The following LOXL2 variants were observed in gnomAD, a reference collection of about 807,000 sequenced individuals.
LOXL2 encodes the protein lysyl oxidase homolog 2.
In LOXL2, 70 loss-of-function variants were observed where a neutral mutation model predicts 93.0. That is an observed-to-expected ratio of 0.75 (90% CI 0.62 to 0.92). The LOEUF (loss-of-function observed/expected upper bound fraction) is 0.92. Ranked by LOEUF, LOXL2 falls within the 40% of genes least tolerant of loss-of-function variation. The pLI is 0.00. For synonymous variants in LOXL2, 438 were observed against 413.2 expected, an observed-to-expected ratio of 1.06 and a Z score of -0.73; for missense variants, 973 against 1,054.9, an observed-to-expected ratio of 0.92 and a Z score of 1.08.
intron 4 of LOXL2, 100 bp downstream of exon 4, chr8:23,340,882 TTGCCTGGCCA>T: frequency 9.9e-7 from 1 of 1,006,712 alleles, no homozygotes; most frequent in Non-Finnish European, 1.5e-6. Flanking sequence ...GGACACCAGC[TTGCCTGGCCA>T]TGCCTGGCCA....
intron 6 of LOXL2, among the ~76,000 whole-genome samples, chr8:23,326,397 G>C (rs193232840): frequency 6.6e-6 from 1 of 152,140 alleles, no homozygotes; most frequent in Admixed American, 6.6e-5. Flanking sequence ...TCTTTGTCCT[G>C]TAGGCCCTTG....
chr8:23,310,172 C>T (rs17688580), intron 9 of LOXL2, among the ~76,000 whole-genome samples: 5,161 of 152,286 alleles, frequency 0.034, 289 homozygotes, highest in African/African-American at 0.12. Flanking sequence ...TCCTAGGCTA[C>T]GAGCGAAGCA....
intron 8 of LOXL2, among the ~76,000 whole-genome samples, chr8:23,319,529 G>A (rs1348693645): frequency 1.3e-5 from 2 of 152,156 alleles, no homozygotes; most frequent in Admixed American, 6.5e-5. Context: ...CCACCTCCCC[G>A]AAGGACTGAG....
At chr8:23,397,977 A>AAG (rs1800113538) in intron 1 of LOXL2, among the ~76,000 whole-genome samples, 1 of 142,890 alleles carries the variant, frequency 7.0e-6, no homozygotes, top group Non-Finnish European at 1.5e-5. Context: ...AAAAAAAAAA[A>AAG]AAAAAAAAGA....
In LOXL2 at chr8:23,303,405, G is replaced by A. The variant is rs201593990; in HGVS notation, c.1881-8C>T. On this transcript the variant is annotated splice_region_variant and splice_polypyrimidine_tract_variant and intron_variant, in intron 10 of 13. Transcript: ENST00000389131. ...TCCATGCTGTGGTAGTGCCTGGAGC[G>A]AGAGAGAGATGGCCTGGAGGTCAGT... 13,978 of 1,516,196 alleles carry A rather than the reference G, an allele frequency of 9.2e-3. 97 individuals are homozygous for A. Among genetic ancestry groups the A allele is most frequent in the Non-Finnish European group, 0.012 (12,724 of 1,091,974 alleles). The allele number at this position is 1,516,196 out of a possible 1,614,324, so 93.9% of individuals were successfully genotyped here. A position where few individuals can be genotyped will look rare whatever the true frequency, so the allele number is the denominator to read the frequency against.
rs1468630754 is a variant in LOXL2, at chr8:23,297,019, AGG to A, written c.*1022_*1023del. 6.6e-6 allele frequency among the ~76,000 whole-genome samples: 1 copy of A among 152,112 alleles called. No individual in the cohort carries two copies. Among genetic ancestry groups the A allele is most frequent in the Non-Finnish European group, 1.5e-5 (1 of 68,002 alleles). Reference sequence around the variant, plus strand: ...AGCTGCCCCTTTTGGAGTCTATTGAAGGAGGTGCCCTGGTGGCCACACTGGGC... The same window carrying A: ...AGCTGCCCCTTTTGGAGTCTATTGAAAGGTGCCCTGGTGGCCACACTGGGC... On this transcript the variant is annotated 3_prime_UTR_variant, in exon 14 of 14. Transcript: ENST00000389131.
chr8:23,392,847 G>A (rs1382720878), intron 1 of LOXL2, among the ~76,000 whole-genome samples: 1 of 152,068 alleles, frequency 6.6e-6, no homozygotes, highest in African/African-American at 2.4e-5. Flanking sequence ...ATCAAAACCA[G>A]TAAATGAGTT....
chr8:23,300,269 C>T (rs1392372820), intron 12 of LOXL2, among the ~76,000 whole-genome samples: 2 of 152,226 alleles, frequency 1.3e-5, no homozygotes, highest in Non-Finnish European at 2.9e-5. Context: ...TGTTTCACCC[C>T]ACTCATCTAC....
chr8:23,356,531 A>C (rs770982583), intron 3 of LOXL2, among the ~76,000 whole-genome samples: 12 of 152,220 alleles, frequency 7.9e-5, no homozygotes, highest in Non-Finnish European at 1.5e-4. Context: ...CCTGGATGCA[A>C]GAATCTTCTG....
chr8:23,386,043 T>G, intron 1 of LOXL2: 1 of 765,218 alleles, frequency 1.3e-6, no homozygotes, highest in Non-Finnish European at 2.4e-6. Flanking sequence ...CATCCCTATT[T>G]TCCTAAGGAA....
chr8:23,364,491 T>A (rs1292673401), intron 2 of LOXL2: 2 of 152,118 alleles, frequency 1.3e-5, no homozygotes, highest in Non-Finnish European at 2.9e-5. Flanking sequence ...ATAAATGAAA[T>A]TCAGTTGGAA....
intron 3 of LOXL2, among the ~76,000 whole-genome samples, chr8:23,346,105 A>ATTAAAT (rs1563197364): frequency 9.7e-6 from 1 of 103,092 alleles, no homozygotes; most frequent in Non-Finnish European, 1.9e-5. Flanking sequence ...ATAAAATAAA[A>ATTAAAT]TAAAATAAAA....
rs138501887 is a variant in LOXL2 at position 23,395,544 on chromosome 8, C to T, written c.-84+8410G>A. Among the ~76,000 whole-genome samples the T allele has an allele frequency of 1.5e-3, 233 of 152,172 alleles. 1 individual carries two copies. Among genetic ancestry groups the T allele is most frequent in the African/African-American group, 5.2e-3 (216 of 41,488 alleles). On this transcript the variant is annotated intron_variant, in intron 1 of 13. Coordinates refer to ENST00000389131, the MANE Select transcript of LOXL2 (RefSeq NM_002318.3). Reference sequence around the variant, plus strand: ...ATATACTGAAATCCATTGACTTGTACATTTTAATGGGTGAATTGGATGATA... The same window carrying T: ...ATATACTGAAATCCATTGACTTGTATATTTTAATGGGTGAATTGGATGATA...
At chr8:23,361,685 C>CA (rs1804292589) in intron 2 of LOXL2, among the ~76,000 whole-genome samples, 1 of 151,948 alleles carries the variant, frequency 6.6e-6, no homozygotes. Context: ...TACTAAAATA[C>CA]AAAAAATTAG....
intron 1 of LOXL2, among the ~76,000 whole-genome samples, chr8:23,387,940 ACT>A (rs1401557364): frequency 6.6e-6 from 1 of 152,182 alleles, no homozygotes; most frequent in African/African-American, 2.4e-5. Flanking sequence ...CAAGAGCGAG[ACT>A]CTGTCTCAAA....
At chr8:23,331,756 A>G (rs955750955) in intron 5 of LOXL2, 5 of 52,344 alleles carry the variant, frequency 9.6e-5, no homozygotes, top group Non-Finnish European at 2.0e-4. Flanking sequence ...GTTCTAGGAA[A>G]TCGGCCAGTG....
chr8:23,403,750 G>A (rs1358853020), intron 1 of LOXL2, among the ~76,000 whole-genome samples: 2 of 152,088 alleles, frequency 1.3e-5, no homozygotes, highest in African/African-American at 4.8e-5. Context: ...CGTACGAGGT[G>A]GGGTTGGGCG....
chr8:23,395,335 A>C (rs941113307), intron 1 of LOXL2, among the ~76,000 whole-genome samples: 24 of 148,386 alleles, frequency 1.6e-4, no homozygotes, highest in East Asian at 1.4e-3. Context: ...AAAAAAAAAA[A>C]CCACATATTA....
chr8:23,352,558 C>T (rs1280949827), intron 3 of LOXL2, among the ~76,000 whole-genome samples: 2 of 152,128 alleles, frequency 1.3e-5, no homozygotes, highest in African/African-American at 2.4e-5. Flanking sequence ...CACCCTCTGC[C>T]GCCCCCAGAC....
Sources: allele counts gnomAD v4.1 joint callset (sites outside exome capture counted in the v4.1 genomes callset), GRCh38; gene constraint gnomAD v4.1.1; transcripts MANE v1.5; gene names NCBI Gene and HGNC (gene_info 2026-07-23, HGNC 2026-07-21).